STXBP5L: variants seen among roughly 807,000 people sequenced by gnomAD.
The protein encoded by STXBP5L is syntaxin-binding protein 5-like.
A neutral mutation model predicts 144.5 loss-of-function variants in STXBP5L; 65 were observed. The observed-to-expected ratio is 0.45, with a 90% confidence interval of 0.37 to 0.55. The LOEUF (loss-of-function observed/expected upper bound fraction) is 0.55, where lower values mean the gene tolerates loss of function less well. Ranked by LOEUF, STXBP5L falls within the 20% of genes least tolerant of loss-of-function variation. The pLI is 0.00. For missense variants in STXBP5L, 1,298 were observed against 1,405.5 expected, an observed-to-expected ratio of 0.92 and a Z score of 1.22; for synonymous variants, 505 against 469.6, an observed-to-expected ratio of 1.08 and a Z score of -0.97.
At chr3:120,978,912 C>T (rs1941412672) in intron 3 of STXBP5L, among the ~76,000 whole-genome samples, 1 of 152,146 alleles carries the variant, frequency 6.6e-6, no homozygotes, top group African/African-American at 2.4e-5. Flanking sequence ...GAAGTTTTGT[C>T]TCAGAGGAGT....
intron 9 of STXBP5L, among the ~76,000 whole-genome samples, chr3:121,182,640 T>C (rs575537821): frequency 6.6e-6 from 1 of 151,928 alleles, no homozygotes; most frequent in East Asian, 1.9e-4. Flanking sequence ...AGAAAAGAAG[T>C]AACAAAGATC....
chr3:120,975,351 T>C (rs1400087210), intron 3 of STXBP5L, among the ~76,000 whole-genome samples: 1 of 152,178 alleles, frequency 6.6e-6, no homozygotes, highest in Non-Finnish European at 1.5e-5. Flanking sequence ...GTTTGTCTGT[T>C]ATTGGTGTAT....
intron 5 of STXBP5L, among the ~76,000 whole-genome samples, chr3:121,050,516 T>A (rs1440908713): frequency 2.0e-5 from 3 of 151,946 alleles, no homozygotes; most frequent in African/African-American, 7.3e-5. Context: ...ATAAAATACT[T>A]TACAGACAAG....
chr3:121,198,710 C>A (rs994708943), intron 9 of STXBP5L, among the ~76,000 whole-genome samples: 1 of 152,112 alleles, frequency 6.6e-6, no homozygotes. Context: ...TATCGCTAGC[C>A]AGTTTTCCCA....
chr3:120,927,549 A>G (rs766012019), intron 2 of STXBP5L, among the ~76,000 whole-genome samples: 3 of 152,168 alleles, frequency 2.0e-5, no homozygotes, highest in Non-Finnish European at 4.4e-5. Flanking sequence ...CTGGTTGTCT[A>G]CCTTGAGCTC....
intron 3 of STXBP5L, among the ~76,000 whole-genome samples, chr3:120,989,000 T>G (rs188484530): frequency 6.6e-6 from 1 of 152,112 alleles, no homozygotes; most frequent in East Asian, 1.9e-4. Flanking sequence ...GATTTCATTC[T>G]TTTTTTAAGG....
At chr3:120,981,923 CA>C (rs1941815885) in intron 3 of STXBP5L, among the ~76,000 whole-genome samples, 1 of 152,130 alleles carries the variant, frequency 6.6e-6, no homozygotes, top group Non-Finnish European at 1.5e-5. Context: ...TTTCAGGTAT[CA>C]AGGTACTGTA....
At chr3:121,313,606 A>G (rs868044058) in intron 19 of STXBP5L, among the ~76,000 whole-genome samples, 18 of 12,602 alleles carry the variant, frequency 1.4e-3, no homozygotes, top group East Asian at 2.1e-3. Context: ...CGGCTGGCCG[A>G]CCCCCCCCCC....
intron 11 of STXBP5L, among the ~76,000 whole-genome samples, chr3:121,232,618 T>C (rs564699012): frequency 1.3e-5 from 2 of 152,154 alleles, no homozygotes; most frequent in Middle Eastern, 3.4e-3. Flanking sequence ...CCTGAAAGGA[T>C]TTAGAGAAGT....
intron 5 of STXBP5L, among the ~76,000 whole-genome samples, chr3:121,101,836 A>G (rs757811127): frequency 3.9e-5 from 6 of 152,230 alleles, no homozygotes; most frequent in Non-Finnish European, 8.8e-5. Flanking sequence ...AGAAAACCCT[A>G]AAGACTCCAC....
At chr3:121,418,093 C>A (rs2047280785) in intron 25 of STXBP5L, among the ~76,000 whole-genome samples, 1 of 152,116 alleles carries the variant, frequency 6.6e-6, no homozygotes, top group Non-Finnish European at 1.5e-5. Flanking sequence ...GCAATTATGC[C>A]ATATTGTATG....
At chr3:121,328,470 T>C (rs549778676) in intron 20 of STXBP5L, among the ~76,000 whole-genome samples, 2 of 152,308 alleles carry the variant, frequency 1.3e-5, no homozygotes, top group South Asian at 4.2e-4. Flanking sequence ...GCTTCACGGC[T>C]GGGCCTGGTG....
chr3:121,338,210 C>T (rs753810114), intron 20 of STXBP5L, among the ~76,000 whole-genome samples: 1 of 151,770 alleles, frequency 6.6e-6, no homozygotes, highest in Non-Finnish European at 1.5e-5. Context: ...AAGATCAGAG[C>T]AGAACTAAAT....
At chr3:120,964,912 CTT>C (rs909733687) in intron 3 of STXBP5L, among the ~76,000 whole-genome samples, 5 of 152,130 alleles carry the variant, frequency 3.3e-5, no homozygotes, top group African/African-American at 1.2e-4. Flanking sequence ...GTCTAAGTCT[CTT>C]TGTATGTCTC....
At chr3:121,417,378 T>A (rs758307033) in intron 25 of STXBP5L, among the ~76,000 whole-genome samples, 23 of 151,938 alleles carry the variant, frequency 1.5e-4, no homozygotes, top group Non-Finnish European at 2.5e-4. Context: ...ACTCTTATTT[T>A]AAAAAAAATC....
chr3:120,978,825 C>G (rs933697958), intron 3 of STXBP5L, among the ~76,000 whole-genome samples: 11 of 152,298 alleles, frequency 7.2e-5, no homozygotes, highest in African/African-American at 2.4e-4. Context: ...ACCCTGTTTG[C>G]CTCGGTATCA....
chr3:121,023,262 C>A (rs1416009829), intron 3 of STXBP5L, among the ~76,000 whole-genome samples: 1 of 152,012 alleles, frequency 6.6e-6, no homozygotes, highest in East Asian at 1.9e-4. Context: ...AACAAATGGA[C>A]ACCCCTCCCA....
Position 121,365,270 on chromosome 3 carries a change from G to A in STXBP5L, c.2177-13446G>A, listed in dbSNP as rs753685525. 6.6e-4 allele frequency among the ~76,000 whole-genome samples: 100 copies of A among 151,926 alleles called. 1 individual carries two copies. Among genetic ancestry groups the A allele is most frequent in the Non-Finnish European group, 1.5e-4 (10 of 67,812 alleles). On this transcript the variant is annotated intron_variant, in intron 20 of 26. Coordinates refer to ENST00000471454, the MANE Select transcript of STXBP5L (RefSeq NM_001308330.2). Reference sequence around the variant, plus strand: ...CTAGCTTGGTAACAGGGTAATGCTGGCCTTATAGATTGAGTTAGAAGTATT... The same window carrying A: ...CTAGCTTGGTAACAGGGTAATGCTGACCTTATAGATTGAGTTAGAAGTATT...
chr3:121,160,764 C>T (rs190577834), intron 9 of STXBP5L, among the ~76,000 whole-genome samples: 10 of 151,818 alleles, frequency 6.6e-5, no homozygotes, highest in African/African-American at 2.2e-4. Context: ...CATATTTTTC[C>T]CTCTTTCCTC....
Sources: allele counts gnomAD v4.1 joint callset (sites outside exome capture counted in the v4.1 genomes callset), GRCh38; gene constraint gnomAD v4.1.1; transcripts MANE v1.5; gene names NCBI Gene and HGNC (gene_info 2026-07-23, HGNC 2026-07-21).